Variants in C1orf87 observed in about 807,000 individuals in gnomAD.
C1orf87 encodes the protein uncharacterized protein C1orf87.
In C1orf87, 58 loss-of-function variants were observed where a neutral mutation model predicts 60.5. That is an observed-to-expected ratio of 0.96 (90% CI 0.78 to 1.19). C1orf87 has a LOEUF of 1.19. C1orf87 is among the 50% of genes most tolerant of loss of function. The probability of loss-of-function intolerance (pLI) is 0.00; values close to 1 mark genes in which losing one functional copy is unlikely to be tolerated. For synonymous variants in C1orf87, 236 were observed against 227.4 expected, an observed-to-expected ratio of 1.04 and a Z score of -0.34; for missense variants, 673 against 638.6, an observed-to-expected ratio of 1.05 and a Z score of -0.58.
intron 9 of C1orf87, among the ~76,000 whole-genome samples, chr1:60,005,176 G>T (rs1645035252): frequency 6.6e-6 from 1 of 152,030 alleles, no homozygotes; most frequent in Admixed American, 6.6e-5. Context: ...ATCATCTAAA[G>T]AATTATCCCT....
intron 7 of C1orf87, among the ~76,000 whole-genome samples, chr1:60,028,182 A>G (rs1418679797): frequency 2.0e-5 from 3 of 152,234 alleles, no homozygotes; most frequent in Non-Finnish European, 2.9e-5. Context: ...TACTCCATAA[A>G]TAAGAACTGA....
chr1:60,032,153 C>T (rs112134059), intron 7 of C1orf87, among the ~76,000 whole-genome samples: 5 of 152,310 alleles, frequency 3.3e-5, no homozygotes, highest in South Asian at 2.1e-4. Context: ...CTTTTAAATT[C>T]TCTGACTCCC....
At chr1:60,031,108 A>G (rs530594827) in intron 7 of C1orf87, among the ~76,000 whole-genome samples, 34 of 152,264 alleles carry the variant, frequency 2.2e-4, no homozygotes, top group Non-Finnish European at 4.0e-4. Flanking sequence ...ATTCAGAGCT[A>G]CTTGTCAAAA....
chr1:60,025,420 C>T lies in C1orf87; in HGVS notation c.1108G>A (p.Gly370Ser). 1 of 1,612,604 alleles carries T rather than the reference C, an allele frequency of 6.2e-7. No homozygotes were observed. Among genetic ancestry groups the T allele is most frequent in the Non-Finnish European group, 8.5e-7 (1 of 1,179,252 alleles). The change falls in exon 8 of 12, where the codon GGT (glycine) becomes AGT (serine). Residue 370 changes from glycine (G) to serine (S), a missense_variant. Coordinates refer to ENST00000371201, the MANE Select transcript of C1orf87 (RefSeq NM_152377.3). ...LETLLNHQDL[G>S]YQNEIKWQNF... ...ACTTACTTTATTTCATTTTGGTAAC[C>T]CAAATCTTGATGGTTAAGCAATGTT...
At chr1:60,022,621 C>T (rs1414621032) in intron 8 of C1orf87, among the ~76,000 whole-genome samples, 1 of 152,064 alleles carries the variant, frequency 6.6e-6, no homozygotes, top group Non-Finnish European at 1.5e-5. Context: ...TAGATTTGTT[C>T]TTTCTGTAGA....
At chr1:60,014,104 T>C (rs1432155092) in intron 8 of C1orf87, among the ~76,000 whole-genome samples, 13 of 152,158 alleles carry the variant, frequency 8.5e-5, no homozygotes, top group Non-Finnish European at 8.8e-5. Flanking sequence ...TTCTTGATAG[T>C]TGAGCTCTCC....
intron 9 of C1orf87, among the ~76,000 whole-genome samples, chr1:60,002,647 T>C (rs1033632829): frequency 6.6e-6 from 1 of 152,094 alleles, no homozygotes; most frequent in African/African-American, 2.4e-5. Flanking sequence ...TTAGATCCCA[T>C]TTGTCAATTT....
At chr1:59,998,603 G>A (rs1644980056) in intron 10 of C1orf87, among the ~76,000 whole-genome samples, 1 of 152,102 alleles carries the variant, frequency 6.6e-6, no homozygotes, top group Non-Finnish European at 1.5e-5. Flanking sequence ...CCACACAGCT[G>A]TGGAAAGAAC....
At chr1:60,003,062 G>T (rs1413227154) in intron 9 of C1orf87, among the ~76,000 whole-genome samples, 2 of 149,740 alleles carry the variant, frequency 1.3e-5, no homozygotes, top group Non-Finnish European at 3.0e-5. Flanking sequence ...CAAAGACTTG[G>T]AACCAACCCA....
intron 2 of C1orf87, among the ~76,000 whole-genome samples, chr1:60,067,329 G>T (rs1434539363): frequency 2.6e-5 from 4 of 152,052 alleles, no homozygotes; most frequent in Non-Finnish European, 2.9e-5. Context: ...AGCATCTGTT[G>T]TTTCCTGACA....
chr1:59,997,582 A>T, intron 11 of C1orf87, 27 bp downstream of exon 11: 1 of 1,610,594 alleles, frequency 6.2e-7, no homozygotes, highest in Non-Finnish European at 8.5e-7. Context: ...ATAGAAACCT[A>T]TGCCAGCTTT....
chr1:60,038,097 T>G lies in C1orf87; in HGVS notation c.758A>C (p.Glu253Ala), dbSNP rs749175959. The change falls in exon 6 of 12, where the codon GAA (glutamate) becomes GCA (alanine). Residue 253 changes from glutamate to alanine, a missense_variant. Transcript: ENST00000371201. ...KRGSPEMVNY[E>A]KLLWFLNSAA... ...ACTGTTTAAAAACCAGAGTAGCTTT[T>G]CATAATTCACCTGAAAATTAAATGT... 5 of 1,536,452 alleles carry G rather than the reference T, an allele frequency of 3.3e-6. No individual in the cohort carries two copies. In the Admixed American group the frequency reaches 8.5e-5, roughly 26 times the overall value.
At chr1:59,991,611 G>A (rs1644924290) in intron 11 of C1orf87, among the ~76,000 whole-genome samples, 1 of 152,184 alleles carries the variant, frequency 6.6e-6, no homozygotes, top group Admixed American at 6.5e-5. Flanking sequence ...AAGATGCAGA[G>A]GACTGACTGT....
At chr1:60,025,559 T>C in intron 7 of C1orf87, 61 bp from the exon 8 acceptor site, 1 of 1,253,442 alleles carries the variant, frequency 8.0e-7, no homozygotes, top group Non-Finnish European at 1.1e-6. Flanking sequence ...AATGTTTCAA[T>C]AGAATACAAT....
intron 2 of C1orf87, among the ~76,000 whole-genome samples, chr1:60,064,707 AAT>A (rs1163250122): frequency 3.9e-5 from 4 of 101,898 alleles, no homozygotes; most frequent in Non-Finnish European, 5.3e-5. Context: ...ATATTATTTC[AAT>A]ATATATAAAT....
intron 3 of C1orf87, among the ~76,000 whole-genome samples, chr1:60,042,366 T>A (rs1645331727): frequency 6.6e-6 from 1 of 152,012 alleles, no homozygotes; most frequent in Non-Finnish European, 1.5e-5. Flanking sequence ...TCTGGACACA[T>A]CGTTATTTTT....
chr1:60,015,885 G>C (rs531000228), intron 8 of C1orf87, among the ~76,000 whole-genome samples: 1 of 152,296 alleles, frequency 6.6e-6, no homozygotes, highest in Non-Finnish European at 1.5e-5. Flanking sequence ...CAGAGTAGCT[G>C]AGACTGGAGG....
chr1:60,060,534 A>C lies in C1orf87; in HGVS notation c.108-5096T>G, dbSNP rs573904490. Among the ~76,000 whole-genome samples, 9 of 152,278 alleles carry C rather than the reference A, an allele frequency of 5.9e-5. No homozygotes were observed. In the South Asian group the frequency reaches 1.9e-3, roughly 32 times the overall value. On this transcript the variant is annotated intron_variant, in intron 2 of 11. Coordinates refer to ENST00000371201, the MANE Select transcript of C1orf87 (RefSeq NM_152377.3). ...TGGAATCCCAAAACTTCCTTTATTG[A>C]CAGACAAAACTAAAGTTCAAAAAGT...
chr1:60,045,398 A>G (rs1645358952), intron 3 of C1orf87, among the ~76,000 whole-genome samples: 1 of 152,234 alleles, frequency 6.6e-6, no homozygotes, highest in African/African-American at 2.4e-5. Context: ...AAATTAATAC[A>G]ATACATATTG....
Sources: gnomAD v4.1 joint callset for allele counts (sites outside exome capture counted in the v4.1 genomes callset) on GRCh38, gnomAD v4.1.1 for gene constraint, MANE v1.5 for transcripts, NCBI Gene and HGNC (gene_info 2026-07-23, HGNC 2026-07-21) for gene names.